Variants in UNC5D observed in about 807,000 individuals in gnomAD.
UNC5D encodes unc-5 netrin receptor D.
A neutral mutation model predicts 105.4 loss-of-function variants in UNC5D; 39 were observed. The observed-to-expected ratio is 0.37, with a 90% CI of 0.29 to 0.48. The LOEUF is 0.48. Ranked by LOEUF, UNC5D falls within the 20% of genes least tolerant of loss-of-function variation. The probability of loss-of-function intolerance (pLI) is 0.98; values close to 1 mark genes in which losing one functional copy is unlikely to be tolerated. For synonymous variants in UNC5D, 452 were observed against 450.4 expected, an observed-to-expected ratio of 1.00 and a Z score of -0.04; for missense variants, 991 against 1,202.4, an observed-to-expected ratio of 0.82 and a Z score of 2.60.
chr8:35,607,673 G>A (rs1195014937), intron 4 of UNC5D, among the ~76,000 whole-genome samples: 1 of 152,070 alleles, frequency 6.6e-6, no homozygotes, highest in Non-Finnish European at 1.5e-5. Flanking sequence ...AGTTTTATAA[G>A]GGGCTTTTTT....
Position 35,791,290 on chromosome 8 carries a change from T to A in UNC5D, c.*727T>A, listed in dbSNP as rs982957655. On this transcript the variant is annotated 3_prime_UTR_variant, in exon 17 of 17. Transcript: ENST00000404895. ...TGCAGTAGGGAGGTATCAAGGAGCA[T>A]AATTAAACTTGTCAATACGGAAAGT... 1 of 152,746 alleles carries A rather than the reference T, an allele frequency of 6.5e-6. No individual in the cohort carries two copies. Among genetic ancestry groups the A allele is most frequent in the African/African-American group, 2.4e-5 (1 of 41,468 alleles). 9.5% of individuals were successfully genotyped at this position (152,746 alleles called of 1,614,324 possible).
intron 1 of UNC5D, among the ~76,000 whole-genome samples, chr8:35,381,680 A>G (rs1032347656): frequency 6.6e-6 from 1 of 152,206 alleles, no homozygotes; most frequent in Non-Finnish European, 1.5e-5. Context: ...AAGCACTGCC[A>G]TTAGTTTAGA....
At chr8:35,706,945 G>A (rs1472451442) in intron 8 of UNC5D, among the ~76,000 whole-genome samples, 1 of 152,116 alleles carries the variant, frequency 6.6e-6, no homozygotes, top group Non-Finnish European at 1.5e-5. Flanking sequence ...CAAGATACTG[G>A]GGCAACATTA....
chr8:35,748,404 G>C, intron 11 of UNC5D, 123 bp from the exon 12 acceptor site: 1 of 1,052,098 alleles, frequency 9.5e-7, no homozygotes. Context: ...CTTTGTAAAA[G>C]AAAATCCTGG....
intron 4 of UNC5D, among the ~76,000 whole-genome samples, chr8:35,646,637 C>T (rs1418712139): frequency 6.6e-6 from 1 of 151,976 alleles, no homozygotes; most frequent in Non-Finnish European, 1.5e-5. Context: ...CCCTATGCTC[C>T]AGACACGGGT....
chr8:35,253,448 G>C (rs1319756623), intron 1 of UNC5D, among the ~76,000 whole-genome samples: 1 of 138,834 alleles, frequency 7.2e-6, no homozygotes, highest in East Asian at 2.1e-4. Flanking sequence ...TCCCTCTGTA[G>C]AGTTTGGAGT....
chr8:35,405,816 T>C (rs949295127), intron 1 of UNC5D, among the ~76,000 whole-genome samples: 1 of 152,258 alleles, frequency 6.6e-6, no homozygotes, highest in African/African-American at 2.4e-5. Flanking sequence ...TATTATTACA[T>C]GTAACAATTT....
In UNC5D at chr8:35,726,142, C is replaced by T. The variant is rs1800948381; in HGVS notation, c.1304-10C>T. 6.3e-7 allele frequency: 1 copy of T among 1,598,550 alleles called. No individual in the cohort carries two copies. On this transcript the variant is annotated splice_polypyrimidine_tract_variant and intron_variant, in intron 9 of 16. Transcript: ENST00000404895. ...AGTTTCTGAGTGACAGATCAATTTT[C>T]TTTTACCAGGTAACTCCCTGCTCCT...
chr8:35,753,414 G>A (rs900102893), intron 13 of UNC5D, among the ~76,000 whole-genome samples: 1 of 151,872 alleles, frequency 6.6e-6, no homozygotes, highest in Non-Finnish European at 1.5e-5. Context: ...GACTACAGTC[G>A]CCTGCCACCA....
At chr8:35,421,609 G>A (rs908111458) in intron 1 of UNC5D, among the ~76,000 whole-genome samples, 2 of 151,888 alleles carry the variant, frequency 1.3e-5, no homozygotes, top group Non-Finnish European at 2.9e-5. Flanking sequence ...TTTATTGATT[G>A]CATTCTTTTA....
chr8:35,738,205 G>A (rs1316061640), intron 11 of UNC5D, among the ~76,000 whole-genome samples: 1 of 152,212 alleles, frequency 6.6e-6, no homozygotes, highest in Non-Finnish European at 1.5e-5. Flanking sequence ...GCCCTTCTCA[G>A]TAACAGCCTG....
At chr8:35,463,414 C>G (rs2129694155) in intron 1 of UNC5D, among the ~76,000 whole-genome samples, 1 of 152,276 alleles carries the variant, frequency 6.6e-6, no homozygotes, top group Admixed American at 6.5e-5. Flanking sequence ...AAGGCAGTAC[C>G]TGCCAAGGTT....
At chr8:35,333,128 G>A (rs546843048) in intron 1 of UNC5D, among the ~76,000 whole-genome samples, 11 of 152,180 alleles carry the variant, frequency 7.2e-5, no homozygotes, top group Admixed American at 5.2e-4. Context: ...TGAGAGGACT[G>A]CCTGAGGCCA....
intron 1 of UNC5D, among the ~76,000 whole-genome samples, chr8:35,288,008 C>G (rs1039225092): frequency 1.3e-5 from 2 of 151,840 alleles, no homozygotes; most frequent in African/African-American, 4.8e-5. Flanking sequence ...ATACAAATTC[C>G]TGAAGGATGA....
chr8:35,444,610 G>A (rs1444198473), intron 1 of UNC5D, among the ~76,000 whole-genome samples: 1 of 151,922 alleles, frequency 6.6e-6, no homozygotes, highest in East Asian at 1.9e-4. Context: ...AAACACTCAT[G>A]CCTTCATTAA....
At chr8:35,237,611 T>G (rs1802555269) in intron 1 of UNC5D, among the ~76,000 whole-genome samples, 2 of 152,274 alleles carry the variant, frequency 1.3e-5, no homozygotes, top group African/African-American at 4.8e-5. Flanking sequence ...TAGCACCTCT[T>G]GTCTGCAAGC....
At chr8:35,718,263 A>G (rs12547338) in intron 8 of UNC5D, among the ~76,000 whole-genome samples, 18,146 of 152,250 alleles carry the variant, frequency 0.12, 2,439 homozygotes, top group African/African-American at 0.32. Context: ...AGCTTCGTTT[A>G]TGAAACAGAA....
intron 1 of UNC5D, among the ~76,000 whole-genome samples, chr8:35,265,856 C>T (rs557719198): frequency 3.6e-5 from 5 of 139,178 alleles, no homozygotes; most frequent in South Asian, 2.5e-4. Flanking sequence ...AGCGACAGAG[C>T]GAGACTCGTC....
intron 1 of UNC5D, among the ~76,000 whole-genome samples, chr8:35,419,360 T>A (rs1805736767): frequency 6.6e-6 from 1 of 152,142 alleles, no homozygotes; most frequent in Non-Finnish European, 1.5e-5. Context: ...CAGGCTGCAC[T>A]CAGCTCGCAC....
Sources: gnomAD v4.1 joint callset for allele counts (sites outside exome capture counted in the v4.1 genomes callset) on GRCh38, gnomAD v4.1.1 for gene constraint, MANE v1.5 for transcripts, NCBI Gene and HGNC (gene_info 2026-07-23, HGNC 2026-07-21) for gene names.